Variants in NBAS observed in about 807,000 individuals in gnomAD.
NBAS encodes NAG/BC035112 fusion.
NBAS carries 219 observed loss-of-function variants against 302.5 expected under a neutral mutation model. The observed-to-expected ratio is 0.72, with a 90% CI of 0.65 to 0.81. The LOEUF (loss-of-function observed/expected upper bound fraction) is 0.81, where lower values mean the gene tolerates loss of function less well. Among genes scored for constraint, NBAS ranks in the 30% least tolerant of loss-of-function variants. The pLI, the probability that NBAS is intolerant of heterozygous loss-of-function variation, is 0.00. For missense variants in NBAS, 2,932 were observed against 2,841.6 expected, an observed-to-expected ratio of 1.03 and a Z score of -0.72; for synonymous variants, 1,118 against 1,021.6, an observed-to-expected ratio of 1.09 and a Z score of -1.80.
chr2:14,821,588 T>C, the NBAS span, among the ~76,000 whole-genome samples: 367 of 152,172 alleles, frequency 2.4e-3, no homozygotes, highest in African/African-American at 8.1e-3. Context: ...CCAGATCCCT[T>C]TTTCCAGATC....
At chr2:14,794,294 G>C in the NBAS span, among the ~76,000 whole-genome samples, 8 of 152,128 alleles carry the variant, frequency 5.3e-5, no homozygotes, top group African/African-American at 1.7e-4. Context: ...AAATGATTGA[G>C]ATTTAGCTCG....
chr2:15,483,422 C>T, intron 12 of NBAS: 1 of 377,828 alleles, frequency 2.6e-6, no homozygotes. Context: ...AGTTTGTATT[C>T]CATTTCTAGG....
the NBAS span, among the ~76,000 whole-genome samples, chr2:15,063,901 T>A: frequency 7.2e-5 from 11 of 152,312 alleles, no homozygotes; most frequent in East Asian, 1.9e-3. Flanking sequence ...TGTTTTGTTA[T>A]GACAGCCCTA....
intron 48 of NBAS, among the ~76,000 whole-genome samples, chr2:15,198,600 T>G (rs971689021): frequency 2.6e-5 from 4 of 152,168 alleles, no homozygotes; most frequent in African/African-American, 9.7e-5. Context: ...GACAACTACA[T>G]GCTTGGGAAC....
the NBAS span, among the ~76,000 whole-genome samples, chr2:15,008,074 C>T: frequency 1.3e-5 from 2 of 152,212 alleles, no homozygotes; most frequent in Non-Finnish European, 2.9e-5. Context: ...ACAATTTCCC[C>T]ATTAGCCATG....
the NBAS span, among the ~76,000 whole-genome samples, chr2:14,939,950 A>G: frequency 2.0e-5 from 3 of 152,364 alleles, no homozygotes; most frequent in East Asian, 3.9e-4. Context: ...ATCACGGGTC[A>G]TAGGAATTGA....
chr2:15,512,981 A>G (rs1000870790), intron 9 of NBAS, among the ~76,000 whole-genome samples: 31 of 152,216 alleles, frequency 2.0e-4, no homozygotes, highest in Admixed American at 1.4e-3. Flanking sequence ...CCCACTTTCT[A>G]AAGTGTTTCT....
intron 48 of NBAS, among the ~76,000 whole-genome samples, chr2:15,205,200 T>C (rs1227938415): frequency 6.6e-6 from 1 of 152,092 alleles, no homozygotes; most frequent in African/African-American, 2.4e-5. Flanking sequence ...CAATGAGTTA[T>C]AACACAGAAT....
In NBAS at chr2:15,402,106, G is replaced by A. The variant is rs927304684; in HGVS notation, c.3071+62C>T. 1.6e-5 allele frequency: 26 copies of A among 1,591,056 alleles called. No individual in the cohort carries two copies. The African/African-American group carries it at 2.3e-4, about 14-fold the overall frequency. On this transcript the variant is annotated intron_variant, in intron 26 of 51. Transcript: ENST00000281513. ...TAAGGTAAGCATTTGGGGAAGCAAC[G>A]TTTTTGTTTTAACTGTTAGAATAAA... is the stretch of plus-strand genomic sequence containing the variant.
At chr2:14,906,091 AAGCAGCAGCAGC>A in the NBAS span, among the ~76,000 whole-genome samples, 1 of 151,974 alleles carries the variant, frequency 6.6e-6, no homozygotes, top group Non-Finnish European at 1.5e-5. Context: ...CAGCAGTGGT[AAGCAGCAGCAGC>A]AGCAGCAGCA....
the NBAS span, among the ~76,000 whole-genome samples, chr2:14,961,509 A>G: frequency 2.0e-5 from 3 of 152,130 alleles, no homozygotes; most frequent in Non-Finnish European, 4.4e-5. Flanking sequence ...CATGAGTGGA[A>G]GCAGCCTGAA....
the NBAS span, among the ~76,000 whole-genome samples, chr2:14,868,455 A>G: frequency 0.02 from 3,092 of 152,322 alleles, 110 homozygotes; most frequent in African/African-American, 0.07. Context: ...TTGAAAATAA[A>G]GGTCTATACG....
At chr2:14,799,942 G>T in the NBAS span, among the ~76,000 whole-genome samples, 1 of 151,746 alleles carries the variant, frequency 6.6e-6, no homozygotes, top group African/African-American at 2.4e-5. Flanking sequence ...ACCTATTTTT[G>T]TCTTTATATT....
intron 38 of NBAS, among the ~76,000 whole-genome samples, chr2:15,312,185 T>C (rs1374168583): frequency 2.0e-5 from 3 of 152,266 alleles, no homozygotes; most frequent in East Asian, 3.8e-4. Context: ...TCCTTGATTC[T>C]TCAATGTGAG....
chr2:14,966,932 A>C, the NBAS span, among the ~76,000 whole-genome samples: 5 of 152,222 alleles, frequency 3.3e-5, no homozygotes, highest in Non-Finnish European at 5.9e-5. Flanking sequence ...TAGAACTAAT[A>C]AGTGAGTTTA....
At position 15,330,748 on chromosome 2, in the gene NBAS, T is replaced by C. The variant is rs552136548; in HGVS notation, c.4197A>G (p.Pro1399=). ...KAVQEDEVGV[P]GSNSADLLRW... Reference sequence around the variant, plus strand: ...GCAATAGGTCAGCTGAATTGCTACCTGGAACACCTACTTCATCCTGTATTA... The same window carrying C: ...GCAATAGGTCAGCTGAATTGCTACCCGGAACACCTACTTCATCCTGTATTA... Residue 1399 remains proline, a synonymous_variant, in exon 36 of 52, where the codon CCA becomes CCG. Coordinates refer to ENST00000281513, the MANE Select transcript of NBAS (RefSeq NM_015909.4). The C allele has an allele frequency of 6.9e-5, 112 of 1,613,948 alleles. 1 individual carries two copies. The South Asian group carries it at 1.2e-3, about 17-fold the overall frequency.
the NBAS span, among the ~76,000 whole-genome samples, chr2:15,103,532 G>T: frequency 6.6e-6 from 1 of 152,126 alleles, no homozygotes; most frequent in Non-Finnish European, 1.5e-5. Context: ...TGGTTCTTTT[G>T]CCTTGCCCCA....
the NBAS span, among the ~76,000 whole-genome samples, chr2:14,818,709 G>A: frequency 5.3e-5 from 8 of 152,168 alleles, no homozygotes; most frequent in African/African-American, 1.7e-4. Context: ...AGGTCTGACT[G>A]CTAAACCTCT....
At chr2:15,090,941 G>A in the NBAS span, among the ~76,000 whole-genome samples, 4 of 152,124 alleles carry the variant, frequency 2.6e-5, no homozygotes, top group Non-Finnish European at 4.4e-5. Context: ...GAGAGGTCCT[G>A]AACGCCGAAA....
Sources: allele counts gnomAD v4.1 joint callset (sites outside exome capture counted in the v4.1 genomes callset), GRCh38; gene constraint gnomAD v4.1.1; transcripts MANE v1.5; gene names NCBI Gene and HGNC (gene_info 2026-07-23, HGNC 2026-07-21).